Variants in UPRT observed in about 807,000 individuals in gnomAD.
UPRT encodes RP11-311P8.3.
UPRT carries 5 observed loss-of-function variants against 22.6 expected under a neutral mutation model. The ratio of observed to expected loss-of-function variants is 0.22; its 90% CI spans 0.12 to 0.47. The LOEUF is 0.47. Ranked by LOEUF, UPRT falls within the 20% of genes least tolerant of loss-of-function variation. The pLI is 0.99. For missense variants in UPRT, 181 were observed against 239.9 expected (o/e 0.75, Z 1.62); for synonymous variants, 77 against 87.7 (o/e 0.88, Z 0.68).
At chrX:75,207,111 A>G (rs929695218) in intron 4 of UPRT, among the ~76,000 whole-genome samples, 2 of 112,395 alleles carry the variant, frequency 1.8e-5, no homozygotes, top group Non-Finnish European at 3.8e-5. Flanking sequence ...CAGCCTGTGT[A>G]TGAGTTTGCC....
At chrX:75,251,883 A>G (rs2082531535) in intron 4 of UPRT, among the ~76,000 whole-genome samples, 1 of 110,308 alleles carries the variant, frequency 9.1e-6, no homozygotes, top group Non-Finnish European at 1.9e-5. Context: ...AATGGAACAG[A>G]ACAGAGCCCT....
intron 4 of UPRT, among the ~76,000 whole-genome samples, chrX:75,247,209 C>G (rs2082509781): frequency 9.0e-6 from 1 of 111,399 alleles, no homozygotes; most frequent in African/African-American, 3.3e-5. Flanking sequence ...GTTCATCTCA[C>G]TGGGGAGTGC....
intron 4 of UPRT, among the ~76,000 whole-genome samples, chrX:75,190,789 G>C (rs771784737): frequency 4.6e-4 from 51 of 111,643 alleles, no homozygotes; most frequent in Non-Finnish European, 9.0e-4. Flanking sequence ...AAGCTTGTGC[G>C]TTCATCACAT....
intron 1 of UPRT, among the ~76,000 whole-genome samples, chrX:75,158,463 G>A (rs758611861): frequency 1.8e-5 from 2 of 111,659 alleles, no homozygotes; most frequent in African/African-American, 6.5e-5. Flanking sequence ...TCCTCACATC[G>A]ACCATGGAAG....
At chrX:75,281,497 C>T (rs1001168909) in intron 1 of UPRT, among the ~76,000 whole-genome samples, 2 of 111,642 alleles carry the variant, frequency 1.8e-5, no homozygotes, top group African/African-American at 6.5e-5. Context: ...TTGTTGAATG[C>T]TTTTTCTGCA....
At chrX:75,163,963 A>C (rs990927067) in intron 3 of UPRT, among the ~76,000 whole-genome samples, 2 of 111,039 alleles carry the variant, frequency 1.8e-5, no homozygotes, top group African/African-American at 6.6e-5. Flanking sequence ...GGATCACTTG[A>C]GGTCAGGAGT....
At position 75,204,910 on chromosome X, in the gene UPRT, A is replaced by G. The variant is rs1262878330; in HGVS notation, c.-447+37031A>G. Reference sequence around the variant, plus strand: ...TCAGAGGTTGTGGGTGGGGACTTAGAGTATCCCACGGACAAAGAGGACACA... The same window carrying G: ...TCAGAGGTTGTGGGTGGGGACTTAGGGTATCCCACGGACAAAGAGGACACA... On this transcript the variant is annotated intron_variant, in intron 4 of 13. Transcript: ENST00000652605. 3.6e-5 allele frequency among the ~76,000 whole-genome samples: 4 copies of G among 110,874 alleles called. No homozygotes were observed. In the Admixed American group the frequency reaches 3.8e-4, roughly 11 times the overall value.
At chrX:75,172,345 C>T (rs1488904864) in intron 4 of UPRT, among the ~76,000 whole-genome samples, 2 of 110,901 alleles carry the variant, frequency 1.8e-5, no homozygotes, top group Non-Finnish European at 3.8e-5. Flanking sequence ...TTGTGTCATC[C>T]AAGTTATCAG....
chrX:75,205,234 G>A (rs775668462), intron 4 of UPRT, among the ~76,000 whole-genome samples: 50 of 108,754 alleles, frequency 4.6e-4, no homozygotes, highest in African/African-American at 1.6e-3. Flanking sequence ...GCCGGGCGCG[G>A]TGGCGGGCGC....
chrX:75,255,540 A>C (rs192120552), intron 4 of UPRT, among the ~76,000 whole-genome samples: 3 of 112,000 alleles, frequency 2.7e-5, no homozygotes, highest in Non-Finnish European at 3.8e-5. Context: ...GAGTGACCTA[A>C]ATGCTCCACT....
intron 4 of UPRT, among the ~76,000 whole-genome samples, chrX:75,249,388 A>T (rs1220591864): frequency 2.7e-5 from 3 of 111,811 alleles, no homozygotes; most frequent in Non-Finnish European, 5.6e-5. Context: ...TGGAAAACAA[A>T]AAAAAGTCAG....
At chrX:75,203,006 AC>A (rs1303074502) in intron 4 of UPRT, among the ~76,000 whole-genome samples, 1 of 111,923 alleles carries the variant, frequency 8.9e-6, no homozygotes, top group Non-Finnish European at 1.9e-5. Context: ...AGACTGGCAA[AC>A]TGGATAAAAA....
At chrX:75,251,359 C>T (rs1265471478) in intron 4 of UPRT, among the ~76,000 whole-genome samples, 1 of 111,895 alleles carries the variant, frequency 8.9e-6, no homozygotes, top group Non-Finnish European at 1.9e-5. Context: ...GCAACTTCAG[C>T]AAAGTCTCAG....
intron 4 of UPRT, among the ~76,000 whole-genome samples, chrX:75,171,932 A>C: frequency 8.9e-6 from 1 of 111,821 alleles, no homozygotes; most frequent in Non-Finnish European, 1.9e-5. Flanking sequence ...TGTGATGTGA[A>C]CTGTCTTCAG....
chrX:75,269,718 C>G (rs746888726), upstream of UPRT, among the ~76,000 whole-genome samples: 1 of 111,866 alleles, frequency 8.9e-6, no homozygotes, highest in Non-Finnish European at 1.9e-5. Context: ...AAAACTGAAA[C>G]TGGACCCCTT....
At chrX:75,182,622 TTCTACTTC>T (rs1302938225) in intron 4 of UPRT, among the ~76,000 whole-genome samples, 1 of 112,095 alleles carries the variant, frequency 8.9e-6, no homozygotes, top group South Asian at 3.7e-4. Flanking sequence ...CTTTTAGATT[TTCTACTTC>T]TGTGCATAGA....
At position 75,190,489 on chromosome X, in the gene UPRT, G is replaced by A. The variant is rs749001419; in HGVS notation, c.-447+22610G>A. Among the ~76,000 whole-genome samples the A allele has an allele frequency of 1.8e-5, 2 of 111,310 alleles. 1 individual carries two copies. Among genetic ancestry groups the A allele is most frequent in the Non-Finnish European group, 3.8e-5 (2 of 53,124 alleles). The stretch of plus-strand genomic sequence containing the variant: ...GCTCTTCTCAAGGAGTATCTTTGTG[G>A]ACTTTTCTGTATTTCCTGAATTTGA... On this transcript the variant is annotated intron_variant, in intron 4 of 13. Transcript: ENST00000652605.
intron 3 of UPRT, among the ~76,000 whole-genome samples, chrX:75,164,271 C>T (rs1320000392): frequency 3.6e-5 from 4 of 112,053 alleles, no homozygotes; most frequent in African/African-American, 1.3e-4. Context: ...TCACCTTCTG[C>T]TTTCCAACAT....
At chrX:75,216,785 C>T (rs1266730090) in intron 4 of UPRT, among the ~76,000 whole-genome samples, 2 of 112,258 alleles carry the variant, frequency 1.8e-5, no homozygotes, top group African/African-American at 6.5e-5. Flanking sequence ...GACGGAGTCT[C>T]GCTCTGTCTC....
Sources: allele counts gnomAD v4.1 joint callset (sites outside exome capture counted in the v4.1 genomes callset), GRCh38; gene constraint gnomAD v4.1.1; transcripts MANE v1.5; gene names NCBI Gene and HGNC (gene_info 2026-07-23, HGNC 2026-07-21).